SEL1L: variants seen among roughly 807,000 people sequenced by gnomAD.
SEL1L encodes SEL1L adaptor subunit of SYVN1 ubiquitin ligase, also known as protein sel-1 homolog 1.
In SEL1L, 52 loss-of-function variants were observed where a neutral mutation model predicts 109.8. The ratio of observed to expected loss-of-function variants is 0.47; its 90% CI spans 0.38 to 0.60. The LOEUF (loss-of-function observed/expected upper bound fraction) is 0.60. Among genes scored for constraint, SEL1L ranks in the 20% least tolerant of loss-of-function variants. The pLI is 0.00. For missense variants in SEL1L, 749 were observed against 962.2 expected (o/e 0.78, Z 2.93); for synonymous variants, 373 against 339.6 (o/e 1.10, Z -1.08).
chr14:81,485,825 G>T, intron 17 of SEL1L, 79 bp from the exon 18 acceptor site: 1 of 1,135,844 alleles, frequency 8.8e-7, no homozygotes, highest in Non-Finnish European at 1.3e-6. Context: ...AAAGTAGGAA[G>T]GATAGGTGAA....
intron 3 of SEL1L, among the ~76,000 whole-genome samples, chr14:81,506,805 T>C (rs1236938283): frequency 6.6e-6 from 1 of 152,244 alleles, no homozygotes; most frequent in Non-Finnish European, 1.5e-5. Flanking sequence ...ACTGCATCTG[T>C]AATTTATTCT....
At position 81,474,697 on chromosome 14, in the gene SEL1L, A is replaced by G. The variant is rs1013559056; in HGVS notation, c.*2275T>C. 6.6e-6 allele frequency: 1 copy of G among 152,244 alleles called. No individual in the cohort carries two copies. Among genetic ancestry groups the G allele is most frequent in the African/African-American group, 2.4e-5 (1 of 41,462 alleles). The allele number at this position is 152,244 out of a possible 1,614,324, so 9.4% of individuals were successfully genotyped here. On this transcript the variant is annotated 3_prime_UTR_variant, in exon 21 of 21. Transcript: ENST00000336735. Reference sequence around the variant, plus strand: ...TTTGAGACAGTCTTTAAGTGAAGCCATAAGAACTAAGTTATTTGAAAGACA... The same window carrying G: ...TTTGAGACAGTCTTTAAGTGAAGCCGTAAGAACTAAGTTATTTGAAAGACA...
At chr14:81,479,465 C>A in intron 20 of SEL1L, 147 bp downstream of exon 20, 3 of 650,910 alleles carry the variant, frequency 4.6e-6, no homozygotes, top group Non-Finnish European at 7.0e-6. Context: ...CTGATAAGGT[C>A]CTCGGGTACC....
chr14:81,520,644 A>G (rs1884870692), intron 3 of SEL1L, among the ~76,000 whole-genome samples: 1 of 152,174 alleles, frequency 6.6e-6, no homozygotes, highest in Non-Finnish European at 1.5e-5. Context: ...CTCTCCAAGC[A>G]TCATCAAATC....
At chr14:81,508,984 A>G (rs1482903401) in intron 3 of SEL1L, among the ~76,000 whole-genome samples, 1 of 152,234 alleles carries the variant, frequency 6.6e-6, no homozygotes, top group African/African-American at 2.4e-5. Context: ...GCACTGACAT[A>G]AGGAGGAAGA....
chr14:81,507,009 C>T (rs141490040), intron 3 of SEL1L, among the ~76,000 whole-genome samples: 70 of 152,194 alleles, frequency 4.6e-4, no homozygotes, highest in African/African-American at 1.6e-3. Flanking sequence ...ACCTGAAGGG[C>T]GTGCAGGAGT....
Position 81,477,111 on chromosome 14 carries a change from G to A in SEL1L, c.2246C>T (p.Thr749Ile), listed in dbSNP as rs1441338360. 3 of 1,614,114 alleles carry A rather than the reference G, an allele frequency of 1.9e-6. No individual in the cohort carries two copies. Among genetic ancestry groups the A allele is most frequent in the Admixed American group, 3.3e-5 (2 of 60,016 alleles). ...LGPEWDLYLM[T>I]IIALLLGTVI... is the part of the protein sequence containing the mutation. ...TGTTCCCAACAGCAGCGCAATGATG[G>A]TCATGAGGTAAAGGTCCCACTCAGG... The change falls in exon 21 of 21, where the codon ACC becomes ATC. Residue 749 changes from threonine (T) to isoleucine (I), a missense_variant. By Grantham distance (89) the Thr-to-Ile change is moderately conservative. Transcript: ENST00000336735.
In SEL1L at chr14:81,496,626, C is replaced by T. The variant is rs1411895669; in HGVS notation, c.1128+1266G>A. 2.6e-5 allele frequency among the ~76,000 whole-genome samples: 4 copies of T among 152,216 alleles called. No homozygotes were observed. The East Asian group carries it at 7.7e-4, about 29-fold the overall frequency. The stretch of plus-strand genomic sequence containing the variant: ...TGGTGGTGCATGCCTGCATTCCCAG[C>T]TACTTGGGGAGGTTAAGGCACAAGA... On this transcript the variant is annotated intron_variant, in intron 10 of 20. Transcript: ENST00000336735.
At position 81,533,844 on chromosome 14, in the gene SEL1L, C is replaced by T. The variant is rs539730405; in HGVS notation, c.-100G>A. On this transcript the variant is annotated 5_prime_UTR_variant, in exon 1 of 21. Coordinates refer to ENST00000336735, the MANE Select transcript of SEL1L (RefSeq NM_005065.6). ...CCGCCTCGCCGCTGCTCTTCCTGCT[C>T]TAGTCTCCTTCCTCCGCCCCTTCCC... 4 of 1,235,584 alleles carry T rather than the reference C, an allele frequency of 3.2e-6. No homozygotes were observed. In the East Asian group the frequency reaches 7.4e-5, roughly 23 times the overall value. The allele number at this position is 1,235,584 out of a possible 1,614,324, so 76.5% of individuals were successfully genotyped here.
chr14:81,513,316 T>C (rs369478909), intron 3 of SEL1L, among the ~76,000 whole-genome samples: 124 of 152,310 alleles, frequency 8.1e-4, no homozygotes, highest in African/African-American at 2.9e-3. Context: ...CTTTGTTCTT[T>C]CGCTCTTCAC....
chr14:81,477,940 C>T (rs1179303552), intron 20 of SEL1L, among the ~76,000 whole-genome samples: 4 of 152,188 alleles, frequency 2.6e-5, no homozygotes, highest in African/African-American at 9.7e-5. Context: ...GGCCATTTCA[C>T]AATTCCCATG....
chr14:81,498,428 G>C lies in SEL1L; in HGVS notation c.958C>G (p.Leu320Val), dbSNP rs1002682843. 3 of 1,613,522 alleles carry C rather than the reference G, an allele frequency of 1.9e-6. No homozygotes were observed. Among genetic ancestry groups the C allele is most frequent in the Non-Finnish European group, 2.5e-6 (3 of 1,179,722 alleles). Reference protein sequence around the residue: ...SCESALTHYRLVANHVASDIS... With the variant: ...SCESALTHYRVVANHVASDIS... The stretch of plus-strand genomic sequence containing the variant: ...ACATAGATACCATGATTGGCAACAA[G>C]ACGATAGTGAGTCAGGGCAGATTCA... Residue 320 changes from leucine to valine, a missense_variant, in exon 9 of 21, where the codon CTT becomes GTT. Physicochemically the swap from Leu to Val is conservative, Grantham distance 32. Transcript: ENST00000336735.
chr14:81,496,552 A>G (rs1488084861), intron 10 of SEL1L, among the ~76,000 whole-genome samples: 4 of 152,102 alleles, frequency 2.6e-5, no homozygotes. Context: ...CAGCCTGGCC[A>G]ACATGGTGAA....
intron 10 of SEL1L, among the ~76,000 whole-genome samples, chr14:81,497,210 A>C (rs746570006): frequency 1.3e-5 from 2 of 151,992 alleles, no homozygotes. Flanking sequence ...TTTTTTCCTT[A>C]AGACTCCACT....
Position 81,486,463 on chromosome 14 carries a change from GGT to G in SEL1L, c.1633-11_1633-10del, listed in dbSNP as rs1566971425. On this transcript the variant is annotated splice_polypyrimidine_tract_variant and intron_variant, in intron 16 of 20. Coordinates refer to ENST00000336735, the MANE Select transcript of SEL1L (RefSeq NM_005065.6). ...CATACATTCTTAAACAACTGTGTGA[GGT>G]GGGGAAAAAAAATATCAGTAGAAGA... 34 of 1,607,890 alleles carry G rather than the reference GGT, an allele frequency of 2.1e-5. No homozygotes were observed. The highest frequency in any genetic ancestry group is 2.9e-5 in the Non-Finnish European group (34 of 1,177,250).
intron 1 of SEL1L, among the ~76,000 whole-genome samples, chr14:81,532,853 AT>A (rs1258221654): frequency 6.6e-6 from 1 of 152,172 alleles, no homozygotes; most frequent in Non-Finnish European, 1.5e-5. Context: ...TACTGTACTA[AT>A]TTTTATTTAT....
At position 81,504,057 on chromosome 14, in the gene SEL1L, C is replaced by T. The variant is rs59443544; in HGVS notation, c.614+144G>A. 697 of 500,838 alleles carry T rather than the reference C, an allele frequency of 1.4e-3. 3 individuals carry two copies. The highest frequency in any genetic ancestry group is 0.012 in the African/African-American group (600 of 50,242). The allele number at this position is 500,838 out of a possible 1,614,324, so 31.0% of individuals were successfully genotyped here. A position where few individuals can be genotyped will look rare whatever the true frequency, so the allele number is the denominator to read the frequency against. On this transcript the variant is annotated intron_variant, in intron 5 of 20. Coordinates refer to ENST00000336735, the MANE Select transcript of SEL1L (RefSeq NM_005065.6). ...TGGTAAAAGCAATGCTACTAATGCC[C>T]GTAAGTTATATTACATTTTTTTGTA... is the stretch of plus-strand genomic sequence containing the variant.
chr14:81,498,371 TTA>T, intron 9 of SEL1L, 40 bp downstream of exon 9: 1 of 1,475,724 alleles, frequency 6.8e-7, no homozygotes, highest in African/African-American at 1.4e-5. Flanking sequence ...TTAATTCCAT[TTA>T]TTTTTTTTTC....
chr14:81,486,240 T>G, intron 17 of SEL1L, 49 bp downstream of exon 17: 1 of 1,560,824 alleles, frequency 6.4e-7, no homozygotes, highest in Non-Finnish European at 8.8e-7. Context: ...AGTTTACTGG[T>G]GTGAACTCGT....
Sources: allele counts gnomAD v4.1 joint callset (sites outside exome capture counted in the v4.1 genomes callset), GRCh38; gene constraint gnomAD v4.1.1; transcripts MANE v1.5; gene names NCBI Gene and HGNC (gene_info 2026-07-23, HGNC 2026-07-21).